DSCAM: variants seen among roughly 807,000 people sequenced by gnomAD.
DSCAM encodes cell adhesion molecule DSCAM.
Under a neutral mutation model 217.7 loss-of-function variants are expected in DSCAM, and 47 were observed. That is an observed-to-expected ratio of 0.22 (90% CI 0.17 to 0.28). The LOEUF is 0.28. Among genes scored for constraint, DSCAM ranks in the 10% least tolerant of loss-of-function variants. DSCAM has a pLI of 1.00. For synonymous variants in DSCAM, 1,056 were observed against 1,015.3 expected, an observed-to-expected ratio of 1.04 and a Z score of -0.76; for missense variants, 2,080 against 2,618.3, an observed-to-expected ratio of 0.79 and a Z score of 4.49.
chr21:40,329,101 T>C (rs551074988), intron 8 of DSCAM, among the ~76,000 whole-genome samples: 19 of 152,238 alleles, frequency 1.2e-4, no homozygotes, highest in Non-Finnish European at 2.5e-4. Flanking sequence ...GAAAATAGTA[T>C]GGAGGTTCCT....
intron 3 of DSCAM, among the ~76,000 whole-genome samples, chr21:40,604,709 C>G (rs2089209207): frequency 6.6e-6 from 1 of 152,154 alleles, no homozygotes; most frequent in South Asian, 2.1e-4. Flanking sequence ...GCTCTCTTAG[C>G]TGTAATTCAC....
intron 3 of DSCAM, among the ~76,000 whole-genome samples, chr21:40,408,860 G>A (rs369443156): frequency 5.3e-5 from 8 of 152,256 alleles, no homozygotes; most frequent in East Asian, 3.9e-4. Flanking sequence ...GTGTGATTCC[G>A]ATAAATGAGA....
chr21:40,222,203 T>G (rs2091294382), intron 11 of DSCAM, among the ~76,000 whole-genome samples: 2 of 152,294 alleles, frequency 1.3e-5, no homozygotes, highest in South Asian at 4.1e-4. Context: ...TAAAGATATT[T>G]TGGATGACAT....
At chr21:40,348,954 AC>A (rs929293756) in intron 5 of DSCAM, among the ~76,000 whole-genome samples, 4 of 151,722 alleles carry the variant, frequency 2.6e-5, no homozygotes, top group Admixed American at 2.6e-4. Context: ...ATCCTGGCTA[AC>A]ACAGTGAAAC....
At chr21:40,054,944 T>G (rs760003322) in intron 29 of DSCAM, among the ~76,000 whole-genome samples, 4 of 152,226 alleles carry the variant, frequency 2.6e-5, no homozygotes, top group African/African-American at 4.8e-5. Flanking sequence ...TTATAAAAAC[T>G]ATGTGACATT....
At chr21:40,234,856 A>T (rs1036460526) in intron 11 of DSCAM, among the ~76,000 whole-genome samples, 3 of 152,104 alleles carry the variant, frequency 2.0e-5, no homozygotes, top group Admixed American at 6.6e-5. Flanking sequence ...CCCGAAGCCC[A>T]GGGTAGAGGC....
intron 1 of DSCAM, among the ~76,000 whole-genome samples, chr21:40,838,337 G>A (rs937796373): frequency 5.3e-5 from 8 of 152,182 alleles, no homozygotes; most frequent in Non-Finnish European, 8.8e-5. Flanking sequence ...TGGCTCTTCA[G>A]TATACGGCAT....
chr21:40,326,346 T>G (rs1050668706), intron 8 of DSCAM, among the ~76,000 whole-genome samples: 2 of 152,230 alleles, frequency 1.3e-5, no homozygotes, highest in African/African-American at 4.8e-5. Context: ...GGTGGCACTC[T>G]CATTCCCCTC....
intron 1 of DSCAM, among the ~76,000 whole-genome samples, chr21:40,716,904 T>G (rs922040913): frequency 1.3e-5 from 2 of 152,200 alleles, no homozygotes; most frequent in Non-Finnish European, 2.9e-5. Flanking sequence ...TACCGAAGGT[T>G]GTGACAGAAA....
At chr21:40,194,566 G>A (rs2090987537) in intron 11 of DSCAM, among the ~76,000 whole-genome samples, 1 of 152,184 alleles carries the variant, frequency 6.6e-6, no homozygotes, top group Admixed American at 6.5e-5. Context: ...TGTGCTGCGT[G>A]CCTCTCTTGC....
At chr21:40,038,769 A>C (rs1203341138) in intron 32 of DSCAM, among the ~76,000 whole-genome samples, 1 of 148,470 alleles carries the variant, frequency 6.7e-6, no homozygotes, top group Non-Finnish European at 1.5e-5. Context: ...AACCAACCCA[A>C]ATGTCCAACA....
At chr21:40,057,926 A>AG (rs2089053369) in intron 28 of DSCAM, among the ~76,000 whole-genome samples, 1 of 124,548 alleles carries the variant, frequency 8.0e-6, no homozygotes, top group South Asian at 2.6e-4. Flanking sequence ...CCCAGGCTGG[A>AG]GTGCAGTGGC....
intron 20 of DSCAM, among the ~76,000 whole-genome samples, chr21:40,095,939 C>G (rs1177707748): frequency 2.0e-5 from 3 of 152,080 alleles, no homozygotes; most frequent in African/African-American, 7.2e-5. Flanking sequence ...ATACATTGAA[C>G]TTGATTAGCA....
chr21:40,571,014 A>T (rs1188960088), intron 3 of DSCAM, among the ~76,000 whole-genome samples: 1 of 152,166 alleles, frequency 6.6e-6, no homozygotes, highest in African/African-American at 2.4e-5. Flanking sequence ...ACCCAAGAAG[A>T]TTAGCAAACC....
Position 40,155,941 on chromosome 21 carries a change from G to T in DSCAM, c.3019-11210C>A, listed in dbSNP as rs1002438909. On this transcript the variant is annotated intron_variant, in intron 16 of 32. Transcript: ENST00000400454. ...AGGGCGTGGGAAGCTGGAGGCCAAG[G>T]CAGGGAGCCAAGCCAGGAGTCGCCC... is the stretch of plus-strand genomic sequence containing the variant. Among the ~76,000 whole-genome samples the T allele has an allele frequency of 1.9e-3, 296 of 152,160 alleles. 1 individual carries two copies. The highest frequency in any genetic ancestry group is 6.4e-3 in the African/African-American group (264 of 41,538).
At chr21:40,372,317 C>A (rs1205723446) in intron 3 of DSCAM, among the ~76,000 whole-genome samples, 1 of 152,204 alleles carries the variant, frequency 6.6e-6, no homozygotes, top group Non-Finnish European at 1.5e-5. Flanking sequence ...TGTTTAAATA[C>A]AATTTATTGG....
At chr21:40,196,627 A>C (rs759645538) in intron 11 of DSCAM, among the ~76,000 whole-genome samples, 2 of 139,530 alleles carry the variant, frequency 1.4e-5, no homozygotes, top group Non-Finnish European at 1.5e-5. Flanking sequence ...CTCCCTCCCA[A>C]TTTTTTCTTC....
At chr21:40,112,557 A>C (rs2089912623) in intron 20 of DSCAM, among the ~76,000 whole-genome samples, 8 of 152,220 alleles carry the variant, frequency 5.3e-5, no homozygotes, top group Admixed American at 5.2e-4. Context: ...GGCAAGAAAT[A>C]GCTAAGATCA....
intron 3 of DSCAM, among the ~76,000 whole-genome samples, chr21:40,467,631 T>C (rs62225474): frequency 0.13 from 20,174 of 152,160 alleles, 1,437 homozygotes; most frequent in Middle Eastern, 0.2. Flanking sequence ...AATAATTTGA[T>C]ATGTCTTTGA....
Sources: allele counts gnomAD v4.1 joint callset (sites outside exome capture counted in the v4.1 genomes callset), GRCh38; gene constraint gnomAD v4.1.1; transcripts MANE v1.5; gene names NCBI Gene and HGNC (gene_info 2026-07-23, HGNC 2026-07-21).